KIF26B: variants seen among roughly 807,000 people sequenced by gnomAD.
KIF26B encodes kinesin-like protein KIF26B.
In KIF26B, 63 loss-of-function variants were observed where a neutral mutation model predicts 151.2. The observed-to-expected ratio is 0.42, with a 90% confidence interval of 0.34 to 0.51. KIF26B has a LOEUF of 0.51. KIF26B is among the 20% of genes least tolerant of loss of function. The pLI, the probability that KIF26B is intolerant of heterozygous loss-of-function variation, is 0.07. For missense variants in KIF26B, 2,813 were observed against 2,913.6 expected (o/e 0.97, Z 0.79); for synonymous variants, 1,357 against 1,262.1 (o/e 1.08, Z -1.59).
Position 245,291,839 on chromosome 1 carries a change from C to T in KIF26B, c.466-74995C>T, listed in dbSNP as rs548761053. 2.6e-4 allele frequency among the ~76,000 whole-genome samples: 39 copies of T among 152,136 alleles called. No homozygotes were observed. The South Asian group carries it at 4.4e-3, about 17-fold the overall frequency. Reference sequence around the variant, plus strand: ...GGGGCCCAGAGACGGTACGGTGGAGCACTTTTCAGAGAGAGGGAGTGTGCA... The same window carrying T: ...GGGGCCCAGAGACGGTACGGTGGAGTACTTTTCAGAGAGAGGGAGTGTGCA... On this transcript the variant is annotated intron_variant, in intron 2 of 14. Coordinates refer to ENST00000407071, the MANE Select transcript of KIF26B (RefSeq NM_018012.4).
chr1:245,609,289 A>C lies in KIF26B; in HGVS notation c.1675A>C (p.Lys559Gln). Residue 559 changes from lysine (K) to glutamine (Q), a missense_variant, in exon 8 of 15, where the codon AAG (lysine) becomes CAG (glutamine). Lys to Gln is a moderately conservative substitution (Grantham distance 53). Coordinates refer to ENST00000407071, the MANE Select transcript of KIF26B (RefSeq NM_018012.4). ...KLGKSYTMIG[K>Q]DDSMQNLGII... ...AGGAAAATCCTACACCATGATCGGA[A>C]AGGATGATTCCATGCAGAACCTGGG... The C allele has an allele frequency of 6.2e-7, 1 of 1,607,816 alleles. No homozygotes were observed. The highest frequency in any genetic ancestry group is 8.5e-7 in the Non-Finnish European group (1 of 1,176,576).
chr1:245,230,795 C>G (rs1669980729), intron 2 of KIF26B, among the ~76,000 whole-genome samples: 1 of 150,672 alleles, frequency 6.6e-6, no homozygotes, highest in Non-Finnish European at 1.5e-5. Context: ...GAAGGAAATA[C>G]TCCCTGAAAA....
At chr1:245,524,057 A>G (rs1398682805) in intron 4 of KIF26B, among the ~76,000 whole-genome samples, 6 of 152,258 alleles carry the variant, frequency 3.9e-5, no homozygotes, top group African/African-American at 1.2e-4. Flanking sequence ...ATCTTAAAAT[A>G]TATATTGGGA....
At chr1:245,359,882 T>C (rs1415584496) in intron 2 of KIF26B, among the ~76,000 whole-genome samples, 1 of 150,686 alleles carries the variant, frequency 6.6e-6, no homozygotes, top group East Asian at 1.9e-4. Flanking sequence ...TTCTTTTTTT[T>C]TTTTTTCTGA....
At chr1:245,247,538 A>G (rs1670360403) in intron 2 of KIF26B, among the ~76,000 whole-genome samples, 1 of 152,242 alleles carries the variant, frequency 6.6e-6, no homozygotes, top group Non-Finnish European at 1.5e-5. Flanking sequence ...GCTAACGAAG[A>G]GAAGAGGCTG....
At chr1:245,324,446 T>G (rs1173274903) in intron 2 of KIF26B, among the ~76,000 whole-genome samples, 1 of 152,210 alleles carries the variant, frequency 6.6e-6, no homozygotes, top group East Asian at 1.9e-4. Context: ...AAATGTTTAC[T>G]ATGAAATTCA....
chr1:245,623,953 G>A (rs1031897569), intron 9 of KIF26B, among the ~76,000 whole-genome samples: 2 of 152,116 alleles, frequency 1.3e-5, no homozygotes, highest in Admixed American at 6.5e-5. Context: ...CCCAGTGTTG[G>A]GGGAGGGACC....
intron 2 of KIF26B, among the ~76,000 whole-genome samples, chr1:245,231,605 G>T (rs1186793405): frequency 6.6e-6 from 1 of 152,136 alleles, no homozygotes; most frequent in Non-Finnish European, 1.5e-5. Context: ...ACATGCATCT[G>T]GGAAAATTGA....
chr1:245,426,570 G>A (rs922106877), intron 4 of KIF26B, among the ~76,000 whole-genome samples: 3 of 152,206 alleles, frequency 2.0e-5, no homozygotes, highest in African/African-American at 7.2e-5. Context: ...TACCTGAACA[G>A]CATTCTTCAG....
intron 2 of KIF26B, among the ~76,000 whole-genome samples, chr1:245,305,796 G>T (rs1573764531): frequency 6.6e-6 from 1 of 151,950 alleles, no homozygotes; most frequent in South Asian, 2.1e-4. Context: ...AAATTAGCCG[G>T]GTGTGGTGGC....
intron 9 of KIF26B, among the ~76,000 whole-genome samples, chr1:245,621,781 T>C (rs771543073): frequency 2.9e-4 from 44 of 152,396 alleles, no homozygotes; most frequent in Middle Eastern, 6.8e-3. Flanking sequence ...TATTTCAAGT[T>C]AAGCACCATG....
At chr1:245,341,726 C>T (rs1029856222) in intron 2 of KIF26B, among the ~76,000 whole-genome samples, 1 of 152,160 alleles carries the variant, frequency 6.6e-6, no homozygotes, top group Admixed American at 6.5e-5. Context: ...ACTATGTTCT[C>T]CACATTGAAA....
At chr1:245,356,816 T>C (rs4256853) in intron 2 of KIF26B, among the ~76,000 whole-genome samples, 28,500 of 152,140 alleles carry the variant, frequency 0.19, 7,309 homozygotes, top group African/African-American at 0.58. Flanking sequence ...GTGGCCATGC[T>C]GTAGAGAGAA....
Position 245,607,710 on chromosome 1 carries a change from T to A in KIF26B, c.1617T>A (p.Asp539Glu). 6.2e-7 allele frequency: 1 copy of A among 1,613,290 alleles called. No homozygotes were observed. Among genetic ancestry groups the A allele is most frequent in the South Asian group, 1.1e-5 (1 of 90,720 alleles). ...EVIQSVVNGA[D>E]GCVFCFGHAK... ...TCCAGTCTGTGGTCAACGGGGCAGATGGCTGCGTGTTCTGTTTCGGCCACG... is the reference window on the plus strand; with the variant it reads ...TCCAGTCTGTGGTCAACGGGGCAGAAGGCTGCGTGTTCTGTTTCGGCCACG... Residue 539 changes from aspartate (D) to glutamate (E), a missense_variant, in exon 7 of 15, where the codon GAT becomes GAA. This residue lies in a region of KIF26B where 77 missense variants were observed against 136.9 expected (regional missense o/e 0.56). Coordinates refer to ENST00000407071, the MANE Select transcript of KIF26B (RefSeq NM_018012.4).
rs969130901 is a variant in KIF26B at position 245,516,285 on chromosome 1, T to A, written c.1167-24482T>A. Among the ~76,000 whole-genome samples the A allele has an allele frequency of 6.6e-6, 1 of 152,142 alleles. No homozygotes were observed. The highest frequency in any genetic ancestry group is 1.5e-5 in the Non-Finnish European group (1 of 68,024). ...CATGGTGTTAGAGTCTGTTTTTCCT[T>A]CAGAAAATGCTATTTGCAGAACGGC... On this transcript the variant is annotated intron_variant, in intron 4 of 14. Coordinates refer to ENST00000407071, the MANE Select transcript of KIF26B (RefSeq NM_018012.4). The surrounding 1 kb of genome is among the most constrained non-coding windows in gnomAD (Gnocchi z 4.2).
chr1:245,462,966 T>G (rs1659684643), intron 4 of KIF26B, among the ~76,000 whole-genome samples: 1 of 152,182 alleles, frequency 6.6e-6, no homozygotes, highest in Non-Finnish European at 1.5e-5. Context: ...AGACAAGGCT[T>G]CCTACGAGAT....
At chr1:245,255,406 G>A (rs1174554651) in intron 2 of KIF26B, among the ~76,000 whole-genome samples, 1 of 152,220 alleles carries the variant, frequency 6.6e-6, no homozygotes, top group African/African-American at 2.4e-5. Context: ...TTCCTGTTGA[G>A]ATTCCTGATT....
chr1:245,246,138 G>T (rs1369865641), intron 2 of KIF26B, among the ~76,000 whole-genome samples: 1 of 151,132 alleles, frequency 6.6e-6, no homozygotes, highest in Non-Finnish European at 1.5e-5. Flanking sequence ...GAGTAACTTT[G>T]TGTGGCTTTC....
At chr1:245,211,339 G>A (rs1368668197) in intron 2 of KIF26B, among the ~76,000 whole-genome samples, 1 of 152,164 alleles carries the variant, frequency 6.6e-6, no homozygotes, top group East Asian at 1.9e-4. Flanking sequence ...GCCATCCCCT[G>A]CCCGCTGTGA....
Sources: gnomAD v4.1 joint callset for allele counts (sites outside exome capture counted in the v4.1 genomes callset) on GRCh38, gnomAD v4.1.1 for gene constraint, gnomAD v4.1.1 regional missense constraint, Gnocchi (gnomAD v3.1) non-coding constraint, MANE v1.5 for transcripts, NCBI Gene and HGNC (gene_info 2026-07-23, HGNC 2026-07-21) for gene names.